GDPD2: variants seen among roughly 807,000 people sequenced by gnomAD.
GDPD2 encodes the protein glycerophosphodiester phosphodiesterase 3.
Under a neutral mutation model 49.2 loss-of-function variants are expected in GDPD2, and 23 were observed. The ratio of observed to expected loss-of-function variants is 0.47; its 90% CI spans 0.34 to 0.66. GDPD2 has a LOEUF of 0.66. Among genes scored for constraint, GDPD2 ranks in the 30% least tolerant of loss-of-function variants. GDPD2 has a pLI of 0.01. For missense variants in GDPD2, 338 were observed against 424.7 expected, an observed-to-expected ratio of 0.80 and a Z score of 1.79; for synonymous variants, 167 against 171.4, an observed-to-expected ratio of 0.97 and a Z score of 0.20.
chrX:70,426,142 G>T, intron 5 of GDPD2, 31 bp downstream of exon 5: 1 of 1,104,723 alleles, frequency 9.1e-7, no homozygotes, highest in Admixed American at 2.2e-5. Context: ...CATGGGAGAG[G>T]GGGCCACTGG....
intron 14 of GDPD2, 85 bp downstream of exon 14, chrX:70,432,746 C>T (rs1273830598): frequency 2.7e-5 from 21 of 772,374 alleles, no homozygotes; most frequent in Non-Finnish European, 4.0e-5. Context: ...ACATATGCTG[C>T]CCAAGGCTTG....
rs1038578713 is a variant in GDPD2 at position 70,433,168 on chromosome X, T to G, written c.*82T>G. On this transcript the variant is annotated 3_prime_UTR_variant, in exon 16 of 16. Transcript: ENST00000374382. ...TGGAGAGTGGCTTAAGTGGAATGCT[T>G]CAGGGGTGGTGGGTTGCAAGTGGGG... The G allele has an allele frequency of 1.0e-4, 79 of 783,703 alleles. No homozygotes were observed. Among genetic ancestry groups the G allele is most frequent in the Non-Finnish European group, 9.7e-5 (51 of 523,607 alleles). The allele number at this position is 783,703 out of a possible 1,213,427, so 64.6% of individuals were successfully genotyped here. A position where few individuals can be genotyped will look rare whatever the true frequency, so the allele number is the denominator to read the frequency against.
At position 70,429,680 on chromosome X, in the gene GDPD2, A is replaced by G; in HGVS notation, c.1124A>G (p.Glu375Gly). 1 of 1,208,454 alleles carries G rather than the reference A, an allele frequency of 8.3e-7. No individual in the cohort carries two copies. Among genetic ancestry groups the G allele is most frequent in the Non-Finnish European group, 1.1e-6 (1 of 892,973 alleles). Residue 375 changes from glutamate (E) to glycine (G), a missense_variant, in exon 11 of 16, where the codon GAG becomes GGG. Around this residue, in one of 3 missense-constraint regions of GDPD2, gnomAD observed 253 missense variants for 330.4 expected, o/e 0.77. Coordinates refer to ENST00000374382, the MANE Select transcript of GDPD2 (RefSeq NM_017711.4). ...YYDTFVIQTL[E>G]TVLNARVPQA... The stretch of plus-strand genomic sequence containing the variant: ...GACACTTTTGTGATCCAGACATTGG[A>G]GACTGTGCTGAATGCAAGGGTGCCC...
intron 10 of GDPD2, chrX:70,427,979 A>T (rs1413188475): frequency 8.9e-6 from 1 of 112,714 alleles, no homozygotes; most frequent in Non-Finnish European, 1.9e-5. Flanking sequence ...CTGATTGTAA[A>T]AGTAATACAT....
intron 2 of GDPD2, 51 bp downstream of exon 2, chrX:70,425,140 C>T (rs1216800639): frequency 2.2e-6 from 2 of 924,643 alleles, no homozygotes; most frequent in Admixed American, 5.2e-5. Context: ...CAGAGGCTCA[C>T]TGGAGGGGAT....
Position 70,433,050 on chromosome X carries a change from G to C in GDPD2, c.1584G>C (p.Val528=), listed in dbSNP as rs1480538287. ...KRGKTGLETA[V]LLTRINNFMM... ...CCTCCCCAGGCTTAGAAACAGCAGT[G>C]CTGCTGACAAGGATCAACAATTTCA... Residue 528 remains valine, a synonymous_variant, in exon 16 of 16, where the codon GTG becomes GTC. Coordinates refer to ENST00000374382, the MANE Select transcript of GDPD2 (RefSeq NM_017711.4). The C allele has an allele frequency of 1.4e-5, 17 of 1,198,138 alleles. No individual in the cohort carries two copies. The highest frequency in any genetic ancestry group is 1.9e-5 in the Non-Finnish European group (17 of 885,559).
chrX:70,431,047 C>T, intron 12 of GDPD2: 1 of 964,954 alleles, frequency 1.0e-6, no homozygotes, highest in African/African-American at 1.9e-5. Flanking sequence ...CTCGGCCTCC[C>T]AAAGTGCTGG....
chrX:70,423,815 G>C (rs900808295), intron 1 of GDPD2, among the ~76,000 whole-genome samples: 5 of 110,854 alleles, frequency 4.5e-5, no homozygotes, highest in Non-Finnish European at 9.5e-5. Flanking sequence ...CCTGCTTACC[G>C]GACCCACCCA....
In GDPD2 at chrX:70,432,487, C is replaced by T. The variant is rs2086486853; in HGVS notation, c.1455+33C>T. 2.5e-6 allele frequency: 3 copies of T among 1,190,495 alleles called. No homozygotes were observed. In the South Asian group the frequency reaches 5.3e-5, roughly 21 times the overall value. ...CTCTGGGACTGTCACCTCTCCTCTT[C>T]TCCCATCCCTGGTTTTCCTTAACCC... On this transcript the variant is annotated intron_variant, in intron 13 of 15. Transcript: ENST00000374382.
chrX:70,432,889 A>C (rs370999648), intron 14 of GDPD2, 23 bp from the exon 15 acceptor site: 3 of 1,166,541 alleles, frequency 2.6e-6, no homozygotes, highest in Non-Finnish European at 3.5e-6. Flanking sequence ...TGAACTCATA[A>C]TGGGAAGCTT....
intron 3 of GDPD2, 119 bp downstream of exon 3, chrX:70,425,576 C>T (rs780325476): frequency 1.8e-4 from 104 of 570,785 alleles, no homozygotes; most frequent in Non-Finnish European, 3.0e-4. Context: ...TCAAACCCAG[C>T]TCTGCTGCTA....
intron 1 of GDPD2, 91 bp from the exon 2 acceptor site, chrX:70,424,885 C>A: frequency 1.7e-6 from 1 of 572,689 alleles, no homozygotes; most frequent in South Asian, 3.1e-5. Flanking sequence ...CAGGCCTCTG[C>A]CTCTCCCCCG....
rs1210092714 is a variant in GDPD2 at position 70,429,938 on chromosome X, T to C, written c.1182T>C (p.Asp394=). ...QAMVFWLPDE[D]RANVQRRAPG... ...AGGTCTTTTGGCTACCAGATGAAGA[T>C]CGGGCTAATGTCCAACGACGGGCAC... is the stretch of plus-strand genomic sequence containing the variant. The change falls in exon 12 of 16, where the codon GAT becomes GAC. Residue 394 remains aspartate (D), a synonymous_variant. Transcript: ENST00000374382. The C allele has an allele frequency of 8.3e-7, 1 of 1,209,845 alleles. No individual in the cohort carries two copies. Among genetic ancestry groups the C allele is most frequent in the Non-Finnish European group, 1.1e-6 (1 of 894,760 alleles).
At chrX:70,425,741 A>C (rs2086416124) in intron 3 of GDPD2, 22 bp from the exon 4 acceptor site, 2 of 961,864 alleles carry the variant, frequency 2.1e-6, no homozygotes, top group African/African-American at 2.2e-5. Flanking sequence ...CCACTTGGAC[A>C]CCTCCCTCTC....
intron 10 of GDPD2, among the ~76,000 whole-genome samples, chrX:70,428,267 A>G (rs2086444782): frequency 8.9e-6 from 1 of 112,529 alleles, no homozygotes; most frequent in Non-Finnish European, 1.9e-5. Flanking sequence ...TCAATACATC[A>G]CATGAGATAT....
intron 1 of GDPD2, among the ~76,000 whole-genome samples, chrX:70,423,995 G>T (rs2086400052): frequency 9.0e-6 from 1 of 111,374 alleles, no homozygotes; most frequent in African/African-American, 3.3e-5. Context: ...TTGTGCTGTC[G>T]CGTGCAAATG....
chrX:70,425,244 G>A (rs1001367419), intron 2 of GDPD2, 110 bp from the exon 3 acceptor site: 4 of 667,390 alleles, frequency 6.0e-6, no homozygotes, highest in African/African-American at 4.3e-5. Context: ...GCTGCCCCCC[G>A]AGCAGAGCAG....
chrX:70,425,220 C>T (rs1330680775), intron 2 of GDPD2, 131 bp downstream of exon 2: 1 of 659,262 alleles, frequency 1.5e-6, no homozygotes, highest in African/African-American at 2.2e-5. Flanking sequence ...AAATCTCCCT[C>T]AAATATGGAA....
rs1350316421 is a variant in GDPD2 at position 70,433,129 on chromosome X, C to G, written c.*43C>G. The stretch of plus-strand genomic sequence containing the variant: ...CCCACCCAAGCCAGTCTACATTGCC[C>G]AAACAGCAAGGGTTGGAGAGTGGCT... On this transcript the variant is annotated 3_prime_UTR_variant, in exon 16 of 16. Transcript: ENST00000374382. 9.7e-7 allele frequency: 1 copy of G among 1,035,014 alleles called. No homozygotes were observed. The highest frequency in any genetic ancestry group is 1.8e-5 in the African/African-American group (1 of 54,683). 85.3% of individuals were successfully genotyped at this position (1,035,014 alleles called of 1,213,427 possible).
Sources: gnomAD v4.1 joint callset for allele counts (sites outside exome capture counted in the v4.1 genomes callset) on GRCh38, gnomAD v4.1.1 for gene constraint, gnomAD v4.1.1 regional missense constraint, MANE v1.5 for transcripts, NCBI Gene and HGNC (gene_info 2026-07-23, HGNC 2026-07-21) for gene names.